OCA2: variants seen among roughly 807,000 people sequenced by gnomAD.
OCA2 encodes the protein OCA2 melanosomal transmembrane protein.
In OCA2, 77 loss-of-function variants were observed where a neutral mutation model predicts 100.2. That is an observed-to-expected ratio of 0.77 (90% confidence interval 0.64 to 0.93). The LOEUF (loss-of-function observed/expected upper bound fraction) is 0.93. OCA2 is among the 40% of genes least tolerant of loss of function. OCA2 has a pLI of 0.00. For missense variants in OCA2, 1,062 were observed against 1,089.1 expected (o/e 0.98, Z 0.35); for synonymous variants, 432 against 439.2 (o/e 0.98, Z 0.21).
intron 2 of OCA2, among the ~76,000 whole-genome samples, chr15:28,076,560 T>C (rs1595917858): frequency 6.6e-6 from 1 of 152,112 alleles, no homozygotes; most frequent in South Asian, 2.1e-4. Flanking sequence ...AAAAAATAGA[T>C]AATTTGGCCG....
chr15:27,954,116 TACACACACACAC>T (rs200633980), intron 17 of OCA2, among the ~76,000 whole-genome samples: 6 of 46,382 alleles, frequency 1.3e-4, no homozygotes, highest in African/African-American at 1.5e-4. Flanking sequence ...TTCCATGGCA[TACACACACACAC>T]ACACACACAC....
intron 21 of OCA2, among the ~76,000 whole-genome samples, chr15:27,852,373 T>C (rs2035786590): frequency 6.6e-6 from 1 of 152,202 alleles, no homozygotes; most frequent in Non-Finnish European, 1.5e-5. Context: ...TAGTTGTAGA[T>C]ATGCAGCGTT....
chr15:27,986,525 G>T, intron 12 of OCA2, 62 bp downstream of exon 12: 1 of 1,023,662 alleles, frequency 9.8e-7, no homozygotes, highest in Non-Finnish European at 1.5e-6. Context: ...AATATATAAT[G>T]TCAGAAAAAT....
At position 28,024,865 on chromosome 15, in the gene OCA2, C is replaced by G; in HGVS notation, c.553G>C (p.Ala185Pro). 6.2e-7 allele frequency: 1 copy of G among 1,614,232 alleles called. No homozygotes were observed. The highest frequency in any genetic ancestry group is 1.1e-5 in the South Asian group (1 of 91,090). ...VQWLKVMGLF[A>P]FVVLCSILFS... ...CTCACAGAACACAGCACCACAAAGGCAAACAGGCCCATGACTTTCAGCCAC... is the reference window on the plus strand; with the variant it reads ...CTCACAGAACACAGCACCACAAAGGGAAACAGGCCCATGACTTTCAGCCAC... Residue 185 changes from alanine (A) to proline (P), a missense_variant, in exon 5 of 24, where the codon GCC (alanine) becomes CCC (proline). Coordinates refer to ENST00000354638, the MANE Select transcript of OCA2 (RefSeq NM_000275.3).
intron 23 of OCA2, among the ~76,000 whole-genome samples, chr15:27,789,016 T>C (rs1595412246): frequency 1.3e-5 from 2 of 152,240 alleles, no homozygotes; most frequent in East Asian, 3.9e-4. Flanking sequence ...TCCTCCTTTA[T>C]GCTATTATTT....
At chr15:27,730,310 C>T in the OCA2 span, among the ~76,000 whole-genome samples, 9 of 152,084 alleles carry the variant, frequency 5.9e-5, no homozygotes, top group Admixed American at 5.2e-4. Context: ...AGGGGTGCAC[C>T]GAGCTTCCCT....
intron 23 of OCA2, among the ~76,000 whole-genome samples, chr15:27,784,935 C>T (rs2032734772): frequency 6.6e-6 from 1 of 151,324 alleles, no homozygotes; most frequent in Non-Finnish European, 1.5e-5. Context: ...GAAAAAATAG[C>T]CAAGAATTTG....
chr15:27,912,085 A>G (rs1021378580), intron 19 of OCA2, among the ~76,000 whole-genome samples: 3 of 152,220 alleles, frequency 2.0e-5, no homozygotes, highest in Non-Finnish European at 2.9e-5. Flanking sequence ...CAAGAGGCAA[A>G]TCTTATGGTG....
intron 9 of OCA2, among the ~76,000 whole-genome samples, chr15:27,996,253 G>C (rs1232468123): frequency 1.3e-5 from 2 of 152,158 alleles, no homozygotes; most frequent in African/African-American, 4.8e-5. Context: ...GAAGTTTATA[G>C]TGATGAATAC....
At chr15:27,799,707 T>C (rs2033508326) in intron 23 of OCA2, among the ~76,000 whole-genome samples, 1 of 150,808 alleles carries the variant, frequency 6.6e-6, no homozygotes, top group Non-Finnish European at 1.5e-5. Flanking sequence ...ATGGTGCCAC[T>C]GCACTCCAGC....
At chr15:27,733,230 T>C in the OCA2 span, among the ~76,000 whole-genome samples, 1 of 152,342 alleles carries the variant, frequency 6.6e-6, no homozygotes, top group African/African-American at 2.4e-5. Context: ...AGTTCATATC[T>C]TCTTTCAGAT....
intron 21 of OCA2, among the ~76,000 whole-genome samples, chr15:27,863,031 G>A (rs921773878): frequency 2.0e-5 from 3 of 152,202 alleles, no homozygotes; most frequent in Admixed American, 2.0e-4. Context: ...TGACTCAGGG[G>A]CCTGGGAAGC....
At position 27,851,416 on chromosome 15, in the gene OCA2, G is replaced by A. The variant is rs1567023092; in HGVS notation, c.2304C>T (p.Leu768=). ...DPEVGLPAPP[L]MYALAFGACL... is the part of the protein sequence containing the mutation. Reference sequence around the variant, plus strand: ...AAGCACCGAAGGCCAGGGCATACATGAGCGGCGGTGCGGGCAGGCCAACCT... The same window carrying A: ...AAGCACCGAAGGCCAGGGCATACATAAGCGGCGGTGCGGGCAGGCCAACCT... Residue 768 remains leucine (L), a synonymous_variant, in exon 22 of 24, where the codon CTC becomes CTT. Coordinates refer to ENST00000354638, the MANE Select transcript of OCA2 (RefSeq NM_000275.3). The A allele has an allele frequency of 6.2e-7, 1 of 1,613,990 alleles. No homozygotes were observed. The highest frequency in any genetic ancestry group is 8.5e-7 in the Non-Finnish European group (1 of 1,179,976).
intron 22 of OCA2, among the ~76,000 whole-genome samples, chr15:27,850,898 C>A (rs149073487): frequency 6.6e-6 from 1 of 152,256 alleles, no homozygotes; most frequent in Admixed American, 6.5e-5. Context: ...GTCAGTCTCT[C>A]CCAACACTCT....
intron 17 of OCA2, among the ~76,000 whole-genome samples, chr15:27,953,722 C>G (rs1226355689): frequency 1.3e-5 from 2 of 151,962 alleles, no homozygotes; most frequent in Non-Finnish European, 1.5e-5. Context: ...TTCTGGATAC[C>G]TGAGGTCATT....
chr15:27,738,174 C>T, the OCA2 span, among the ~76,000 whole-genome samples: 1 of 152,132 alleles, frequency 6.6e-6, no homozygotes, highest in South Asian at 2.1e-4. Flanking sequence ...ACCAGAAATA[C>T]ACCAAAAACC....
the OCA2 span, among the ~76,000 whole-genome samples, chr15:27,728,823 G>C: frequency 1.2e-4 from 18 of 152,322 alleles, no homozygotes; most frequent in African/African-American, 4.3e-4. Flanking sequence ...TTTCCAGAAA[G>C]TGTAGAGCCA....
At chr15:28,025,253 T>A (rs922888240) in intron 4 of OCA2, among the ~76,000 whole-genome samples, 1 of 152,224 alleles carries the variant, frequency 6.6e-6, no homozygotes, top group Non-Finnish European at 1.5e-5. Flanking sequence ...TCTCTCTGAT[T>A]CATATTTATC....
intron 1 of OCA2, among the ~76,000 whole-genome samples, chr15:28,083,999 C>A (rs1463347876): frequency 6.6e-6 from 1 of 152,202 alleles, no homozygotes; most frequent in Admixed American, 6.5e-5. Flanking sequence ...AGGCTGAAAC[C>A]CTGCCCTGTA....
Sources: allele counts gnomAD v4.1 joint callset (sites outside exome capture counted in the v4.1 genomes callset), GRCh38; gene constraint gnomAD v4.1.1; transcripts MANE v1.5; gene names NCBI Gene and HGNC (gene_info 2026-07-23, HGNC 2026-07-21).